Variants in LPP observed in about 807,000 individuals in gnomAD.
LPP encodes the protein lipoma-preferred partner.
A neutral mutation model predicts 60.4 loss-of-function variants in LPP; 38 were observed. The ratio of observed to expected loss-of-function variants is 0.63; its 90% CI spans 0.49 to 0.83. The LOEUF (loss-of-function observed/expected upper bound fraction) is 0.83, where lower values mean the gene tolerates loss of function less well. Ranked by LOEUF, LPP falls within the 40% of genes least tolerant of loss-of-function variation. The pLI is 0.00. For missense variants in LPP, 902 were observed against 783.6 expected (o/e 1.15, Z -1.80); for synonymous variants, 328 against 290.8 (o/e 1.13, Z -1.30).
intron 4 of LPP, among the ~76,000 whole-genome samples, chr3:188,414,229 T>TA (rs1785585434): frequency 6.6e-6 from 1 of 152,098 alleles, no homozygotes; most frequent in African/African-American, 2.4e-5. Context: ...TTCAAAATTA[T>TA]AAAAAATACT....
intron 7 of LPP, among the ~76,000 whole-genome samples, chr3:188,663,038 C>T (rs1854946337): frequency 6.6e-6 from 1 of 152,198 alleles, no homozygotes; most frequent in Admixed American, 6.5e-5. Flanking sequence ...AATTGACAAA[C>T]TGTCATCAAA....
At chr3:188,742,118 A>T (rs1248600020) in intron 8 of LPP, among the ~76,000 whole-genome samples, 1 of 152,158 alleles carries the variant, frequency 6.6e-6, no homozygotes, top group African/African-American at 2.4e-5. Context: ...CCATACATTG[A>T]TGAGAGTGGC....
chr3:188,801,725 A>G (rs1246898747), intron 9 of LPP, among the ~76,000 whole-genome samples: 1 of 152,190 alleles, frequency 6.6e-6, no homozygotes, highest in Non-Finnish European at 1.5e-5. Context: ...GACCTTGGGT[A>G]GATCTTCTTA....
intron 9 of LPP, among the ~76,000 whole-genome samples, chr3:188,822,944 G>A (rs1754396101): frequency 6.6e-6 from 1 of 152,050 alleles, no homozygotes; most frequent in African/African-American, 2.4e-5. Flanking sequence ...ACAGAAAACT[G>A]TAAACTTTTT....
intron 7 of LPP, among the ~76,000 whole-genome samples, chr3:188,693,856 G>C (rs1046232399): frequency 2.0e-5 from 3 of 152,198 alleles, no homozygotes; most frequent in Non-Finnish European, 4.4e-5. Context: ...TCACTCTTCT[G>C]AGTGAATCTT....
chr3:188,488,965 A>G (rs1807492289), intron 5 of LPP, among the ~76,000 whole-genome samples: 1 of 152,094 alleles, frequency 6.6e-6, no homozygotes, highest in South Asian at 2.1e-4. Flanking sequence ...CTGACCCCAC[A>G]GTTGGTAATT....
At chr3:188,500,946 C>T (rs1042991777) in intron 5 of LPP, among the ~76,000 whole-genome samples, 1 of 152,008 alleles carries the variant, frequency 6.6e-6, no homozygotes, top group African/African-American at 2.4e-5. Context: ...GTCTCTCTCT[C>T]ACTTCATCTA....
chr3:188,405,423 T>G (rs1224170186), intron 3 of LPP, among the ~76,000 whole-genome samples: 1 of 152,214 alleles, frequency 6.6e-6, no homozygotes, highest in Non-Finnish European at 1.5e-5. Context: ...TTCTTTTGCT[T>G]GCTACTTTCT....
At chr3:188,576,767 T>A (rs1834716575) in intron 6 of LPP, among the ~76,000 whole-genome samples, 1 of 152,218 alleles carries the variant, frequency 6.6e-6, no homozygotes, top group Non-Finnish European at 1.5e-5. Flanking sequence ...TCTTACTGTG[T>A]CCTGATGGGT....
At chr3:188,566,586 A>G (rs1183102337) in intron 6 of LPP, among the ~76,000 whole-genome samples, 1 of 151,884 alleles carries the variant, frequency 6.6e-6, no homozygotes, top group Non-Finnish European at 1.5e-5. Context: ...TCCAACATTC[A>G]TACCAAATCC....
intron 1 of LPP, among the ~76,000 whole-genome samples, chr3:188,206,244 G>A (rs550890965): frequency 2.0e-5 from 3 of 152,026 alleles, no homozygotes; most frequent in Admixed American, 6.5e-5. Flanking sequence ...GGCTCTTGGC[G>A]CACCTGCTGG....
chr3:188,885,026 C>T lies in LPP; in HGVS notation c.*10547C>T. 1 of 213,840 alleles carries T rather than the reference C, an allele frequency of 4.7e-6. No homozygotes were observed. The highest frequency in any genetic ancestry group is 9.5e-6 in the Non-Finnish European group (1 of 105,734). The allele number at this position is 213,840 out of a possible 1,614,324, so 13.2% of individuals were successfully genotyped here. ...GTTTTCAAAAAACCTCCTAGAAAGT[C>T]TCCATGTATGCTCTAGAAGTTGCTC... On this transcript the variant is annotated 3_prime_UTR_variant, in exon 12 of 12. Transcript: ENST00000617246.
rs1219385207 is a variant in LPP at position 188,889,825 on chromosome 3, A to G, written c.*15346A>G. On this transcript the variant is annotated 3_prime_UTR_variant, in exon 12 of 12. Transcript: ENST00000617246. ...TGGCAAAAGGGTGATACTTTTCACTAAAAATGCCTACTCTTCCTGTTGATG... is the reference window on the plus strand; with the variant it reads ...TGGCAAAAGGGTGATACTTTTCACTGAAAATGCCTACTCTTCCTGTTGATG... The G allele has an allele frequency of 4.7e-6, 1 of 214,928 alleles. No individual in the cohort carries two copies. Among genetic ancestry groups the G allele is most frequent in the Non-Finnish European group, 9.4e-6 (1 of 106,572 alleles). 13.3% of individuals were successfully genotyped at this position (214,928 alleles called of 1,614,324 possible). A position where few individuals can be genotyped will look rare whatever the true frequency, so the allele number is the denominator to read the frequency against.
At chr3:188,588,618 G>A (rs1481200925) in intron 6 of LPP, among the ~76,000 whole-genome samples, 1 of 152,174 alleles carries the variant, frequency 6.6e-6, no homozygotes, top group Non-Finnish European at 1.5e-5. Flanking sequence ...TACAAAATGA[G>A]GATAATAATA....
chr3:188,389,583 C>G (rs536777174), intron 3 of LPP, among the ~76,000 whole-genome samples: 1 of 152,216 alleles, frequency 6.6e-6, no homozygotes, highest in South Asian at 2.1e-4. Context: ...CGAGACCAGC[C>G]TGGCCAATGT....
chr3:188,791,204 G>C (rs1423332266), intron 9 of LPP, among the ~76,000 whole-genome samples: 1 of 152,086 alleles, frequency 6.6e-6, no homozygotes, highest in Non-Finnish European at 1.5e-5. Flanking sequence ...TCCTGCTCTG[G>C]GAGAAATGGG....
intron 5 of LPP, among the ~76,000 whole-genome samples, chr3:188,493,294 T>G (rs1162955859): frequency 6.6e-6 from 1 of 152,210 alleles, no homozygotes; most frequent in Non-Finnish European, 1.5e-5. Context: ...ATGAGAAATC[T>G]GATGCCAGTC....
intron 5 of LPP, among the ~76,000 whole-genome samples, chr3:188,494,570 A>T (rs953660501): frequency 6.6e-6 from 1 of 151,960 alleles, no homozygotes; most frequent in Non-Finnish European, 1.5e-5. Context: ...TTGTTATGAC[A>T]GTTCCTGGTG....
chr3:188,463,454 T>C (rs1367879362), intron 4 of LPP, among the ~76,000 whole-genome samples: 1 of 152,182 alleles, frequency 6.6e-6, no homozygotes, highest in Non-Finnish European at 1.5e-5. Flanking sequence ...GTGATTAACC[T>C]AGGCCTCCCA....
Sources: allele counts gnomAD v4.1 joint callset (sites outside exome capture counted in the v4.1 genomes callset), GRCh38; gene constraint gnomAD v4.1.1; transcripts MANE v1.5; gene names NCBI Gene and HGNC (gene_info 2026-07-23, HGNC 2026-07-21).